THSD4: variants seen among roughly 807,000 people sequenced by gnomAD.
THSD4 encodes the protein thrombospondin type-1 domain-containing protein 4.
In THSD4, 69 loss-of-function variants were observed where a neutral mutation model predicts 119.0. The observed-to-expected ratio is 0.58, with a 90% CI of 0.48 to 0.71. The LOEUF is 0.71. THSD4 is among the 30% of genes least tolerant of loss of function. THSD4 has a pLI of 0.00. For missense variants in THSD4, 1,393 were observed against 1,391.1 expected (o/e 1.00, Z -0.02); for synonymous variants, 524 against 540.4 (o/e 0.97, Z 0.42).
chr15:71,735,840 C>G (rs375165348), intron 10 of THSD4, among the ~76,000 whole-genome samples: 43 of 151,202 alleles, frequency 2.8e-4, no homozygotes, highest in African/African-American at 1.0e-3. Context: ...CTCTCTGTCT[C>G]TTTCGCTCTC....
At chr15:71,181,843 C>T (rs2141424085) in intron 3 of THSD4, among the ~76,000 whole-genome samples, 1 of 152,354 alleles carries the variant, frequency 6.6e-6, no homozygotes, top group East Asian at 1.9e-4. Context: ...CTGTTGTTAA[C>T]TCTTGCCTCC....
chr15:71,223,044 A>T (rs2043987430), intron 4 of THSD4, among the ~76,000 whole-genome samples: 1 of 152,202 alleles, frequency 6.6e-6, no homozygotes, highest in African/African-American at 2.4e-5. Context: ...TTAGCACAGT[A>T]TCTCCTGAGT....
chr15:71,422,925 T>C (rs1401853068), intron 7 of THSD4, among the ~76,000 whole-genome samples: 3 of 152,148 alleles, frequency 2.0e-5, no homozygotes, highest in Non-Finnish European at 4.4e-5. Context: ...CCACTCTTCC[T>C]TCCCCTTTCT....
intron 6 of THSD4, among the ~76,000 whole-genome samples, chr15:71,403,951 A>C (rs1167378221): frequency 2.6e-5 from 4 of 152,206 alleles, no homozygotes; most frequent in Non-Finnish European, 5.9e-5. Context: ...GTAAGTAGGG[A>C]AAGATCAAAT....
At chr15:71,200,028 G>A (rs894720788) in intron 3 of THSD4, among the ~76,000 whole-genome samples, 1 of 146,684 alleles carries the variant, frequency 6.8e-6, no homozygotes, top group Non-Finnish European at 1.5e-5. Flanking sequence ...ACAGTCATAG[G>A]TATTTCAGAG....
chr15:71,245,090 A>C (rs1429951019), intron 5 of THSD4, among the ~76,000 whole-genome samples: 2 of 152,158 alleles, frequency 1.3e-5, no homozygotes, highest in Non-Finnish European at 2.9e-5. Flanking sequence ...CTGTATTGCA[A>C]GGAATCCCAG....
Position 71,728,632 on chromosome 15 carries a change from A to G in THSD4, c.1441A>G (p.Met481Val), listed in dbSNP as rs765818548. 19 of 1,614,232 alleles carry G rather than the reference A, an allele frequency of 1.2e-5. No homozygotes were observed. Among genetic ancestry groups the G allele is most frequent in the Non-Finnish European group, 1.6e-5 (19 of 1,180,042 alleles). The change falls in exon 9 of 18, where the codon ATG becomes GTG. Residue 481 changes from methionine (M) to valine (V), a missense_variant. Transcript: ENST00000261862. ...RPGKYEGGGT[M>V]FTYKRPNEIS... ...AGGAAAATACGAGGGCGGAGGGACCATGTTCACCTACAAGCGTCCAAATGA... is the reference window on the plus strand; with the variant it reads ...AGGAAAATACGAGGGCGGAGGGACCGTGTTCACCTACAAGCGTCCAAATGA...
At chr15:71,309,981 G>T (rs774867636) in intron 6 of THSD4, among the ~76,000 whole-genome samples, 4 of 152,140 alleles carry the variant, frequency 2.6e-5, no homozygotes, top group Admixed American at 2.0e-4. Flanking sequence ...TGTATAGCTT[G>T]TCTTCACCCT....
intron 6 of THSD4, among the ~76,000 whole-genome samples, chr15:71,333,650 C>T (rs1270192299): frequency 6.6e-6 from 1 of 152,108 alleles, no homozygotes; most frequent in Non-Finnish European, 1.5e-5. Flanking sequence ...TTCCAAAAAT[C>T]GGCCAGACTG....
intron 6 of THSD4, among the ~76,000 whole-genome samples, chr15:71,377,901 C>CAG (rs1566961479): frequency 1.1e-4 from 10 of 87,220 alleles, no homozygotes; most frequent in African/African-American, 4.7e-4. Flanking sequence ...CACACACACA[C>CAG]ACACACACAC....
At chr15:71,300,269 C>T (rs568685307) in intron 6 of THSD4, among the ~76,000 whole-genome samples, 1 of 152,212 alleles carries the variant, frequency 6.6e-6, no homozygotes, top group South Asian at 2.1e-4. Flanking sequence ...AAGCAGAAGG[C>T]ATTTTGATGA....
chr15:71,420,994 C>T (rs1407496038), intron 7 of THSD4, among the ~76,000 whole-genome samples: 1 of 100,096 alleles, frequency 1.0e-5, no homozygotes, highest in Non-Finnish European at 2.1e-5. Context: ...ATGGTGAAAC[C>T]CCATCTCTAC....
Position 71,552,056 on chromosome 15 carries a change from G to GC in THSD4, c.1153-108474_1153-108473insC, listed in dbSNP as rs1385610781. Among the ~76,000 whole-genome samples, 5 of 69,030 alleles carry GC rather than the reference G, an allele frequency of 7.2e-5. No individual in the cohort carries two copies. In the Admixed American group the frequency reaches 8.8e-4, roughly 12 times the overall value. The allele number at this position is 69,030 out of a possible 152,430, so 45.3% of individuals were successfully genotyped here. A position where few individuals can be genotyped will look rare whatever the true frequency, so the allele number is the denominator to read the frequency against. On this transcript the variant is annotated intron_variant, in intron 7 of 17. Transcript: ENST00000261862. ...AGTAAGCACTTTAAGTGGGAAAAGA[G>GC]GGGGAGCATTCCAGGCAGAGGGAAA... is the stretch of plus-strand genomic sequence containing the variant.
chr15:71,316,771 A>C (rs1161708157), intron 6 of THSD4, among the ~76,000 whole-genome samples: 1 of 152,190 alleles, frequency 6.6e-6, no homozygotes, highest in African/African-American at 2.4e-5. Flanking sequence ...TTTATGTTCC[A>C]AGCATCTCAG....
chr15:71,469,688 C>T (rs12913263), intron 7 of THSD4, among the ~76,000 whole-genome samples: 23,319 of 152,190 alleles, frequency 0.15, 2,262 homozygotes, highest in East Asian at 0.3. Flanking sequence ...TGCCCTATTT[C>T]GGCAAGAAGG....
chr15:71,777,123 T>G (rs901084240), intron 17 of THSD4, 109 bp from the exon 18 acceptor site: 1 of 1,290,446 alleles, frequency 7.7e-7, no homozygotes, highest in Admixed American at 1.8e-5. Context: ...ACAATGGTAA[T>G]AAACAGCAGC....
intron 6 of THSD4, among the ~76,000 whole-genome samples, chr15:71,366,533 A>G (rs1451320058): frequency 6.6e-6 from 1 of 152,042 alleles, no homozygotes; most frequent in Non-Finnish European, 1.5e-5. Flanking sequence ...ACATTGAACT[A>G]TATTTCCCAT....
intron 7 of THSD4, among the ~76,000 whole-genome samples, chr15:71,659,430 G>GT (rs1567086377): frequency 1.3e-5 from 2 of 152,004 alleles, no homozygotes; most frequent in South Asian, 2.1e-4. Context: ...TTAATTTTTG[G>GT]TTTTTTTAAA....
At chr15:71,634,973 A>G (rs1228077974) in intron 7 of THSD4, among the ~76,000 whole-genome samples, 1 of 152,184 alleles carries the variant, frequency 6.6e-6, no homozygotes, top group Non-Finnish European at 1.5e-5. Context: ...ATTGTTTGCC[A>G]TTGTTTGCAC....
Sources: allele counts gnomAD v4.1 joint callset (sites outside exome capture counted in the v4.1 genomes callset), GRCh38; gene constraint gnomAD v4.1.1; transcripts MANE v1.5; gene names NCBI Gene and HGNC (gene_info 2026-07-23, HGNC 2026-07-21).